KLF12: variants seen among roughly 807,000 people sequenced by gnomAD.
KLF12 encodes Krueppel-like factor 12.
A neutral mutation model predicts 37.8 loss-of-function variants in KLF12; 9 were observed. That is an observed-to-expected ratio of 0.24 (90% CI 0.14 to 0.42). The LOEUF (loss-of-function observed/expected upper bound fraction) is 0.42. KLF12 is among the 10% of genes least tolerant of loss of function. The pLI, the probability that KLF12 is intolerant of heterozygous loss-of-function variation, is 1.00. For missense variants in KLF12, 411 were observed against 516.0 expected (o/e 0.80, Z 1.97); for synonymous variants, 208 against 202.1 (o/e 1.03, Z -0.25).
At chr13:73,965,502 A>G (rs999862985) in intron 2 of KLF12, among the ~76,000 whole-genome samples, 2 of 152,138 alleles carry the variant, frequency 1.3e-5, no homozygotes, top group Non-Finnish European at 2.9e-5. Context: ...CCAAGCAGAT[A>G]TGATGGGTGG....
At chr13:73,941,966 C>T (rs17216006) in intron 3 of KLF12, among the ~76,000 whole-genome samples, 12,072 of 152,188 alleles carry the variant, frequency 0.079, 659 homozygotes, top group Non-Finnish European at 0.12. Flanking sequence ...TAGGCAATAC[C>T]TATGAACCCA....
intron 3 of KLF12, among the ~76,000 whole-genome samples, chr13:73,914,369 C>T (rs1470253019): frequency 6.6e-6 from 1 of 152,168 alleles, no homozygotes; most frequent in Non-Finnish European, 1.5e-5. Context: ...GGTGGTTGTG[C>T]TTATTAAAGC....
chr13:74,214,680 A>C, the KLF12 span, among the ~76,000 whole-genome samples: 1 of 151,790 alleles, frequency 6.6e-6, no homozygotes, highest in Admixed American at 6.6e-5. Context: ...CTCTGACAGC[A>C]TTTACAATAT....
chr13:74,162,931 C>A, the KLF12 span, among the ~76,000 whole-genome samples: 1 of 151,986 alleles, frequency 6.6e-6, no homozygotes, highest in Non-Finnish European at 1.5e-5. Flanking sequence ...ATAAAAAGAA[C>A]AAATGATTGG....
At chr13:73,888,785 T>G (rs2182665) in intron 3 of KLF12, among the ~76,000 whole-genome samples, 119,663 of 152,120 alleles carry the variant, frequency 0.79, 47,265 homozygotes, top group East Asian at 0.91. Flanking sequence ...GAGCTGTGAA[T>G]ACTCAAAACT....
chr13:73,906,534 C>G (rs548174247), intron 3 of KLF12, among the ~76,000 whole-genome samples: 1 of 152,160 alleles, frequency 6.6e-6, no homozygotes, highest in African/African-American at 2.4e-5. Context: ...TTCCTGATTA[C>G]TGTCAACAGT....
At chr13:73,772,589 A>G (rs1302725543) in intron 5 of KLF12, among the ~76,000 whole-genome samples, 4 of 152,198 alleles carry the variant, frequency 2.6e-5, no homozygotes, top group African/African-American at 9.7e-5. Context: ...TAGCAAAACC[A>G]CAAATTGGTG....
At chr13:74,266,563 A>G in the KLF12 span, among the ~76,000 whole-genome samples, 1 of 152,188 alleles carries the variant, frequency 6.6e-6, no homozygotes, top group East Asian at 1.9e-4. Flanking sequence ...TCTTCCTGGT[A>G]TCATCCTGCT....
chr13:73,916,004 A>C (rs1888809099), intron 3 of KLF12, among the ~76,000 whole-genome samples: 1 of 152,108 alleles, frequency 6.6e-6, no homozygotes, highest in Admixed American at 6.6e-5. Context: ...CTTTCTACTT[A>C]TGGAGAGTTT....
At chr13:74,088,522 C>G (rs75847462) in intron 1 of KLF12, among the ~76,000 whole-genome samples, 7,065 of 152,152 alleles carry the variant, frequency 0.046, 537 homozygotes, top group African/African-American at 0.16. Flanking sequence ...GCCACCGTGC[C>G]GAGCCCTAGA....
intron 5 of KLF12, among the ~76,000 whole-genome samples, chr13:73,778,869 C>A (rs903798714): frequency 6.6e-6 from 1 of 152,076 alleles, no homozygotes; most frequent in Non-Finnish European, 1.5e-5. Flanking sequence ...ATTTTAAGAG[C>A]AAAGAAGCAG....
At chr13:74,056,559 G>A (rs909707569) in intron 1 of KLF12, among the ~76,000 whole-genome samples, 19 of 152,170 alleles carry the variant, frequency 1.2e-4, no homozygotes, top group African/African-American at 4.3e-4. Context: ...CCTGCACAGA[G>A]GGGAGAAGTA....
intron 1 of KLF12, among the ~76,000 whole-genome samples, chr13:74,066,081 T>C (rs143241949): frequency 0.017 from 2,553 of 152,198 alleles, 68 homozygotes; most frequent in African/African-American, 0.058. Context: ...ATGTGGATTG[T>C]TGTGGATTAT....
intron 3 of KLF12, among the ~76,000 whole-genome samples, chr13:73,868,779 A>T (rs1837201142): frequency 6.6e-6 from 1 of 152,212 alleles, no homozygotes; most frequent in Non-Finnish European, 1.5e-5. Context: ...TTGCTTCAAG[A>T]ATTGTTTCAA....
chr13:73,814,190 A>G (rs73531685), intron 4 of KLF12, among the ~76,000 whole-genome samples: 16,150 of 152,264 alleles, frequency 0.11, 1,026 homozygotes, highest in African/African-American at 0.18. Context: ...AAAGTACCAC[A>G]TGAGCTACAC....
At chr13:73,731,939 T>C (rs73529559) in intron 6 of KLF12, among the ~76,000 whole-genome samples, 2,184 of 152,304 alleles carry the variant, frequency 0.014, 59 homozygotes, top group African/African-American at 0.05. Flanking sequence ...TCTTTTCCTA[T>C]AAAACAATAG....
At chr13:74,155,841 C>T in the KLF12 span, among the ~76,000 whole-genome samples, 211 of 152,170 alleles carry the variant, frequency 1.4e-3, no homozygotes, top group Non-Finnish European at 2.6e-3. Context: ...GTTTTTGTGT[C>T]ATCCTGGTAT....
At chr13:74,184,432 GA>G in the KLF12 span, among the ~76,000 whole-genome samples, 259 of 148,876 alleles carry the variant, frequency 1.7e-3, 1 homozygote, top group African/African-American at 6.2e-3. Flanking sequence ...TTTCCAAACT[GA>G]AAAAAAAAAT....
chr13:74,274,211 C>G, the KLF12 span, among the ~76,000 whole-genome samples: 1 of 152,152 alleles, frequency 6.6e-6, no homozygotes, highest in African/African-American at 2.4e-5. Context: ...CTTAAGCCCA[C>G]TACTTCCTCT....
Sources: gnomAD v4.1 joint callset for allele counts (sites outside exome capture counted in the v4.1 genomes callset) on GRCh38, gnomAD v4.1.1 for gene constraint, MANE v1.5 for transcripts, NCBI Gene and HGNC (gene_info 2026-07-23, HGNC 2026-07-21) for gene names.